Variants in ARRB1 observed in about 807,000 individuals in gnomAD.
ARRB1 encodes beta-arrestin-1.
In ARRB1, 21 loss-of-function variants were observed where a neutral mutation model predicts 56.8. The ratio of observed to expected loss-of-function variants is 0.37; its 90% CI spans 0.26 to 0.53. The LOEUF is 0.53. Among genes scored for constraint, ARRB1 ranks in the 20% least tolerant of loss-of-function variants. ARRB1 has a pLI of 0.88. For missense variants in ARRB1, 424 were observed against 553.7 expected (o/e 0.77, Z 2.35); for synonymous variants, 210 against 218.6 (o/e 0.96, Z 0.35).
intron 8 of ARRB1, among the ~76,000 whole-genome samples, chr11:75,278,198 G>A (rs1484113012): frequency 6.6e-6 from 1 of 152,228 alleles, no homozygotes; most frequent in Admixed American, 6.5e-5. Flanking sequence ...AGTTTGAGGG[G>A]AGGCCCTTCC....
chr11:75,334,248 G>C (rs1420691653), intron 1 of ARRB1, among the ~76,000 whole-genome samples: 1 of 150,090 alleles, frequency 6.7e-6, no homozygotes, highest in East Asian at 2.0e-4. Flanking sequence ...CTTGAACCCG[G>C]GCTGAGATAG....
chr11:75,338,486 C>G (rs1446980142), intron 1 of ARRB1, among the ~76,000 whole-genome samples: 2 of 152,206 alleles, frequency 1.3e-5, no homozygotes, highest in Non-Finnish European at 2.9e-5. Flanking sequence ...ACACCCCCAT[C>G]CAGGTCTACA....
At chr11:75,314,061 C>A (rs1380044467) in intron 1 of ARRB1, among the ~76,000 whole-genome samples, 1 of 152,214 alleles carries the variant, frequency 6.6e-6, no homozygotes. Flanking sequence ...TCCCTGCCCC[C>A]ACACACCCTC....
At chr11:75,309,391 C>A (rs574794047) in intron 1 of ARRB1, among the ~76,000 whole-genome samples, 1 of 152,384 alleles carries the variant, frequency 6.6e-6, no homozygotes, top group African/African-American at 2.4e-5. Context: ...GTGCTTGGCA[C>A]AGAGAAGGTG....
At chr11:75,312,012 C>T in intron 1 of ARRB1, 1 of 1,283,408 alleles carries the variant, frequency 7.8e-7, no homozygotes, top group Non-Finnish European at 1.0e-6. Flanking sequence ...CTCGAAGGCC[C>T]AGATCGGAGG....
rs1321563504 is a variant in ARRB1, at chr11:75,260,860, G to T, written c.*5303C>A. The T allele has an allele frequency of 6.6e-6, 1 of 152,154 alleles. No individual in the cohort carries two copies. Among genetic ancestry groups the T allele is most frequent in the East Asian group, 1.9e-4 (1 of 5,184 alleles). 9.4% of individuals were successfully genotyped at this position (152,154 alleles called of 1,614,324 possible). A position where few individuals can be genotyped will look rare whatever the true frequency, so the allele number is the denominator to read the frequency against. On this transcript the variant is annotated 3_prime_UTR_variant, in exon 16 of 16. Coordinates refer to ENST00000420843, the MANE Select transcript of ARRB1 (RefSeq NM_004041.5). ...GGACTTTTGTCATAAAATCCTCCCTGAGTCTGTCTTTTATGTGAGCCAAGA... is the reference window on the plus strand; with the variant it reads ...GGACTTTTGTCATAAAATCCTCCCTTAGTCTGTCTTTTATGTGAGCCAAGA...
intron 1 of ARRB1, among the ~76,000 whole-genome samples, chr11:75,318,606 C>G (rs559378617): frequency 1.3e-5 from 2 of 152,178 alleles, no homozygotes; most frequent in South Asian, 4.1e-4. Context: ...AGGAGAATTG[C>G]TTGAACCTGG....
chr11:75,284,587 A>G (rs900496055), intron 3 of ARRB1, among the ~76,000 whole-genome samples: 1 of 152,124 alleles, frequency 6.6e-6, no homozygotes, highest in African/African-American at 2.4e-5. Context: ...TATTCTTTGG[A>G]ATTTAGAAAT....
chr11:75,302,860 C>A (rs1946937203), intron 1 of ARRB1, among the ~76,000 whole-genome samples: 1 of 152,132 alleles, frequency 6.6e-6, no homozygotes, highest in South Asian at 2.1e-4. Context: ...AAGTGTCCCT[C>A]AGGTGAGAAA....
In ARRB1 at chr11:75,268,870, A is replaced by C; in HGVS notation, c.1093+19T>G. ...CTGCTAGAGAACCCCTACCCCAGAGACCTACAGATTCTGCTCACCTTCCCG... is the reference window on the plus strand; with the variant it reads ...CTGCTAGAGAACCCCTACCCCAGAGCCCTACAGATTCTGCTCACCTTCCCG... On this transcript the variant is annotated intron_variant, in intron 14 of 15. Transcript: ENST00000420843. The C allele has an allele frequency of 1.2e-6, 2 of 1,607,082 alleles. No individual in the cohort carries two copies. Among genetic ancestry groups the C allele is most frequent in the Non-Finnish European group, 1.7e-6 (2 of 1,178,090 alleles).
At chr11:75,314,346 G>A (rs992342427) in intron 1 of ARRB1, among the ~76,000 whole-genome samples, 2 of 152,200 alleles carry the variant, frequency 1.3e-5, no homozygotes, top group East Asian at 3.8e-4. Context: ...GGATGCCGCA[G>A]GGCATGGTGG....
chr11:75,346,170 T>C (rs1947763348), intron 1 of ARRB1, among the ~76,000 whole-genome samples: 1 of 152,074 alleles, frequency 6.6e-6, no homozygotes, highest in African/African-American at 2.4e-5. Flanking sequence ...CTAGAACACC[T>C]TACTCCTGCC....
chr11:75,268,869 G>T lies in ARRB1; in HGVS notation c.1093+20C>A, dbSNP rs774941773. ...GCTGCTAGAGAACCCCTACCCCAGA[G>T]ACCTACAGATTCTGCTCACCTTCCC... On this transcript the variant is annotated intron_variant, in intron 14 of 15. Coordinates refer to ENST00000420843, the MANE Select transcript of ARRB1 (RefSeq NM_004041.5). 3.1e-6 allele frequency: 5 copies of T among 1,607,378 alleles called. No homozygotes were observed. In the African/African-American group the frequency reaches 6.7e-5, roughly 22 times the overall value.
intron 1 of ARRB1, among the ~76,000 whole-genome samples, chr11:75,339,756 G>C (rs146156828): frequency 2.1e-3 from 325 of 152,314 alleles, no homozygotes; most frequent in African/African-American, 7.5e-3. Flanking sequence ...GCAGAGACTT[G>C]TCTGGGTCCT....
At chr11:75,276,808 T>C in intron 10 of ARRB1, 31 bp downstream of exon 10, 1 of 1,611,058 alleles carries the variant, frequency 6.2e-7, no homozygotes, top group South Asian at 1.1e-5. Context: ...CCCAATCCCA[T>C]ACGCCCAAGG....
chr11:75,321,789 A>G (rs1947353015), intron 1 of ARRB1, among the ~76,000 whole-genome samples: 1 of 152,210 alleles, frequency 6.6e-6, no homozygotes, highest in African/African-American at 2.4e-5. Flanking sequence ...TGAATATTCA[A>G]CAGAATTTAT....
intron 2 of ARRB1, among the ~76,000 whole-genome samples, chr11:75,287,765 G>A (rs991133648): frequency 2.0e-5 from 3 of 152,248 alleles, no homozygotes; most frequent in African/African-American, 7.2e-5. Context: ...TGAGCCCTCA[G>A]AGGCTCTGAA....
At chr11:75,329,536 T>C (rs1042493601) in intron 1 of ARRB1, among the ~76,000 whole-genome samples, 1 of 152,148 alleles carries the variant, frequency 6.6e-6, no homozygotes, top group African/African-American at 2.4e-5. Flanking sequence ...AAAGACTACA[T>C]CCACTCAAGC....
At chr11:75,300,210 AAAAAAAAAAAAAG>A (rs547324037) in intron 1 of ARRB1, among the ~76,000 whole-genome samples, 2,181 of 151,248 alleles carry the variant, frequency 0.014, 40 homozygotes, top group African/African-American at 0.042. Context: ...CTCAAAAAAA[AAAAAAAAAAAAAG>A]AAAGAAAGAA....
Sources: allele counts gnomAD v4.1 joint callset (sites outside exome capture counted in the v4.1 genomes callset), GRCh38; gene constraint gnomAD v4.1.1; transcripts MANE v1.5; gene names NCBI Gene and HGNC (gene_info 2026-07-23, HGNC 2026-07-21).